SI: variants seen among roughly 807,000 people sequenced by gnomAD.
SI encodes the protein sucrase-isomaltase.
Under a neutral mutation model 253.3 loss-of-function variants are expected in SI, and 235 were observed. The ratio of observed to expected loss-of-function variants is 0.93; its 90% CI spans 0.83 to 1.03. The LOEUF (loss-of-function observed/expected upper bound fraction) is 1.03, where lower values mean the gene tolerates loss of function less well. Ranked by LOEUF, SI falls within the 50% of genes least tolerant of loss-of-function variation. The pLI is 0.00. For synonymous variants in SI, 819 were observed against 712.0 expected (o/e 1.15, Z -2.39); for missense variants, 2,442 against 2,211.1 (o/e 1.10, Z -2.09).
rs943020289 is a variant in SI, at chr3:165,018,052, G to T, written c.3438C>A (p.Ser1146=). The T allele has an allele frequency of 1.2e-6, 2 of 1,603,114 alleles. No homozygotes were observed. The highest frequency in any genetic ancestry group is 2.7e-5 in the African/African-American group (2 of 74,590). The change falls in exon 29 of 48, where the codon TCC becomes TCA. Residue 1146 remains serine, a synonymous_variant. Transcript: ENST00000264382. ...CCATGTAATAGGGATGAAATCCATA[G>T]GAATTAAGTTTGTACTGAAATACGA... ...RDQPPGYKLN[S]YGFHPYYMAL...
intron 35 of SI, among the ~76,000 whole-genome samples, chr3:165,008,841 TA>T (rs764083237): frequency 6.6e-5 from 10 of 151,764 alleles, no homozygotes; most frequent in East Asian, 3.9e-4. Context: ...TTATGCTATC[TA>T]AAAAAATATA....
At chr3:165,079,478 T>C (rs1219416394), upstream of SI, among the ~76,000 whole-genome samples, 1 of 151,770 alleles carries the variant, frequency 6.6e-6, no homozygotes, top group African/African-American at 2.4e-5. Context: ...AAAAAAAGTA[T>C]GCATGGATTG....
At chr3:165,033,219 T>C (rs1221439148) in intron 23 of SI, among the ~76,000 whole-genome samples, 176 bp downstream of exon 23, 2 of 151,624 alleles carry the variant, frequency 1.3e-5, no homozygotes, top group Admixed American at 6.6e-5. Context: ...AAGGTAACAA[T>C]TTATTTATAA....
intron 42 of SI, 22 bp downstream of exon 42, chr3:164,992,291 A>C (rs1313276020): frequency 6.2e-7 from 1 of 1,612,348 alleles, no homozygotes; most frequent in Non-Finnish European, 8.5e-7. Context: ...TTGTGTAAAC[A>C]AAAATATGTG....
At chr3:165,051,831 AT>A (rs370121549) in intron 13 of SI, among the ~76,000 whole-genome samples, 6,721 of 151,898 alleles carry the variant, frequency 0.044, 280 homozygotes, top group African/African-American at 0.1. Context: ...AAGGATGAAA[AT>A]TTTTTTTAGA....
Position 165,015,995 on chromosome 3 carries a change from A to G in SI, c.3845T>C (p.Val1282Ala). Residue 1282 changes from valine (V) to alanine (A), a missense_variant, in exon 32 of 48, where the codon GTT becomes GCT. Physicochemically the swap from Val to Ala is moderately conservative, Grantham distance 64 (BLOSUM62 0). Transcript: ENST00000264382. ...CATTCCTTCTCCTCTTATTTTGTCA[A>G]CAAACTGAGGAAGGTCCTGGAATGC... ...GEAFQDLPQF[V>A]DKIRGEGMRY... 1 of 1,612,080 alleles carries G rather than the reference A, an allele frequency of 6.2e-7. No homozygotes were observed. Among genetic ancestry groups the G allele is most frequent in the Non-Finnish European group, 8.5e-7 (1 of 1,178,314 alleles).
At chr3:165,074,255 G>T (rs1383675744) in intron 3 of SI, among the ~76,000 whole-genome samples, 1 of 152,048 alleles carries the variant, frequency 6.6e-6, no homozygotes, top group East Asian at 1.9e-4. Flanking sequence ...GTAGATTTGA[G>T]ATGACAGAAT....
chr3:165,027,278 A>G (rs1711979852), intron 25 of SI, among the ~76,000 whole-genome samples: 1 of 151,352 alleles, frequency 6.6e-6, no homozygotes, highest in African/African-American at 2.4e-5. Flanking sequence ...TAACCTCAGC[A>G]GATCAATAAC....
chr3:165,042,334 C>T lies in SI; in HGVS notation c.2004+725G>A, dbSNP rs143606384. Among the ~76,000 whole-genome samples, 345 of 152,182 alleles carry T rather than the reference C, an allele frequency of 2.3e-3. 1 individual carries two copies. Among genetic ancestry groups the T allele is most frequent in the African/African-American group, 7.4e-3 (308 of 41,562 alleles). On this transcript the variant is annotated intron_variant, in intron 17 of 47. Transcript: ENST00000264382. ...CTCAGTAGTTGTCCCTCTTCTCAAA[C>T]ACAATATAAGCCCTGTATGCAACCA...
chr3:165,045,031 T>C (rs1405478807), intron 16 of SI, among the ~76,000 whole-genome samples: 1 of 152,114 alleles, frequency 6.6e-6, no homozygotes, highest in Non-Finnish European at 1.5e-5. Flanking sequence ...TAACAAATTA[T>C]ACATGCATGG....
At chr3:164,989,381 A>G (rs867446166) in intron 44 of SI, among the ~76,000 whole-genome samples, 23 of 93,576 alleles carry the variant, frequency 2.5e-4, no homozygotes, top group East Asian at 9.6e-4. Context: ...AGGAAGAAAG[A>G]AAGAAAGGAA....
intron 45 of SI, 50 bp from the exon 46 acceptor site, chr3:164,983,101 C>T: frequency 6.7e-7 from 1 of 1,498,464 alleles, no homozygotes; most frequent in African/African-American, 1.4e-5. Flanking sequence ...CAAAGAAGAA[C>T]CATAGTAAAT....
upstream of SI, among the ~76,000 whole-genome samples, chr3:165,079,486 T>C (rs1318100176): frequency 1.3e-5 from 2 of 151,726 alleles, no homozygotes; most frequent in East Asian, 1.9e-4. Flanking sequence ...TATGCATGGA[T>C]TGTTGTAAGA....
At chr3:164,996,133 A>G (rs1048733647) in intron 40 of SI, among the ~76,000 whole-genome samples, 6 of 151,672 alleles carry the variant, frequency 4.0e-5, no homozygotes, top group Admixed American at 3.3e-4. Context: ...TTTCTACCCA[A>G]GTTTCCAGTG....
At position 165,032,712 on chromosome 3, in the gene SI, A is replaced by T. The variant is rs777338279; in HGVS notation, c.2566-20T>A. On this transcript the variant is annotated intron_variant, in intron 23 of 47. Coordinates refer to ENST00000264382, the MANE Select transcript of SI (RefSeq NM_001041.4). ...TGTGTTCTGAGAAAAATAGTATAAGATATTATATATTAGGTCATCAGATAC... is the reference window on the plus strand; with the variant it reads ...TGTGTTCTGAGAAAAATAGTATAAGTTATTATATATTAGGTCATCAGATAC... 1.3e-6 allele frequency: 2 copies of T among 1,496,016 alleles called. No homozygotes were observed. Among genetic ancestry groups the T allele is most frequent in the Non-Finnish European group, 9.3e-7 (1 of 1,079,070 alleles). The allele number at this position is 1,496,016 out of a possible 1,614,324, so 92.7% of individuals were successfully genotyped here. A position where few individuals can be genotyped will look rare whatever the true frequency, so the allele number is the denominator to read the frequency against.
At chr3:164,986,729 G>A (rs1312532877) in intron 45 of SI, among the ~76,000 whole-genome samples, 1 of 152,106 alleles carries the variant, frequency 6.6e-6, no homozygotes, top group African/African-American at 2.4e-5. Flanking sequence ...TGATAAATGA[G>A]GAAAAGTGTC....
intron 21 of SI, among the ~76,000 whole-genome samples, chr3:165,037,569 C>T (rs547553369): frequency 1.3e-5 from 2 of 151,918 alleles, no homozygotes; most frequent in African/African-American, 2.4e-5. Context: ...TAAAAATTAA[C>T]AAATACTTCA....
intron 19 of SI, among the ~76,000 whole-genome samples, chr3:165,039,408 A>T (rs1712702186): frequency 6.6e-6 from 1 of 152,152 alleles, no homozygotes; most frequent in African/African-American, 2.4e-5. Flanking sequence ...ACACATGGTC[A>T]TTGTGAATGT....
chr3:164,992,354 A>G lies in SI; in HGVS notation c.4885T>C (p.Leu1629=). The G allele has an allele frequency of 1.9e-6, 3 of 1,613,386 alleles. No homozygotes were observed. Among genetic ancestry groups the G allele is most frequent in the Non-Finnish European group, 2.5e-6 (3 of 1,179,504 alleles). ...GTAACCATAAATGCTGGACCCCATA[A>G]GAACTGCTTGAATATATCCCAGGTT... The part of the protein sequence containing the change: ...KPTWDIFKQF[L]WGPAFMVTPV... Residue 1629 remains leucine, a synonymous_variant, in exon 42 of 48, where the codon TTA becomes CTA. Coordinates refer to ENST00000264382, the MANE Select transcript of SI (RefSeq NM_001041.4).
Sources: allele counts gnomAD v4.1 joint callset (sites outside exome capture counted in the v4.1 genomes callset), GRCh38; gene constraint gnomAD v4.1.1; transcripts MANE v1.5; gene names NCBI Gene and HGNC (gene_info 2026-07-23, HGNC 2026-07-21).